DOK5: variants seen among roughly 807,000 people sequenced by gnomAD.
DOK5 encodes downstream of tyrosine kinase 5.
A neutral mutation model predicts 43.3 loss-of-function variants in DOK5; 27 were observed. The ratio of observed to expected loss-of-function variants is 0.62; its 90% CI spans 0.46 to 0.86. The LOEUF is 0.86. Ranked by LOEUF, DOK5 falls within the 40% of genes least tolerant of loss-of-function variation. The pLI, the probability that DOK5 is intolerant of heterozygous loss-of-function variation, is 0.00. For synonymous variants in DOK5, 146 were observed against 140.1 expected (o/e 1.04, Z -0.30); for missense variants, 373 against 392.9 (o/e 0.95, Z 0.43).
At chr20:54,606,551 C>T (rs1473437483) in intron 5 of DOK5, among the ~76,000 whole-genome samples, 1 of 152,198 alleles carries the variant, frequency 6.6e-6, no homozygotes, top group Non-Finnish European at 1.5e-5. Context: ...GACCATTAGC[C>T]TGTTTGATGT....
rs1449094871 is a variant in DOK5 at position 54,475,767 on chromosome 20, G to A, written c.-180G>A. On this transcript the variant is annotated 5_prime_UTR_variant, in exon 1 of 8. Coordinates refer to ENST00000262593, the MANE Select transcript of DOK5 (RefSeq NM_018431.5). This position sits in a 1 kb window ranked among gnomAD's most constrained non-coding sequence, Gnocchi z 4.2. ...GCTGCAAGCCGGCCGCCCACTGTCA[G>A]GGTTGGGGGGACAGAGAAAGTGATG... 2.6e-6 allele frequency: 2 copies of A among 760,804 alleles called. No individual in the cohort carries two copies. Among genetic ancestry groups the A allele is most frequent in the East Asian group, 5.5e-5 (2 of 36,416 alleles). 47.1% of individuals were successfully genotyped at this position (760,804 alleles called of 1,614,324 possible). A position where few individuals can be genotyped will look rare whatever the true frequency, so the allele number is the denominator to read the frequency against.
At chr20:54,629,356 A>C (rs955487660) in intron 6 of DOK5, among the ~76,000 whole-genome samples, 1 of 152,232 alleles carries the variant, frequency 6.6e-6, no homozygotes, top group East Asian at 1.9e-4. Context: ...ATTAATTTCA[A>C]AATAAAGCAC....
At chr20:54,501,639 C>T (rs920829450) in intron 1 of DOK5, among the ~76,000 whole-genome samples, 4 of 152,014 alleles carry the variant, frequency 2.6e-5, no homozygotes, top group African/African-American at 9.7e-5. Flanking sequence ...TATGTAGAGT[C>T]CAATGTGTAT....
rs547082511 is a variant in DOK5 at position 54,595,272 on chromosome 20, G to A, written c.599+3467G>A. On this transcript the variant is annotated intron_variant, in intron 5 of 7. Coordinates refer to ENST00000262593, the MANE Select transcript of DOK5 (RefSeq NM_018431.5). ...AGGAGAATGCGTGAACCCGGGAGGCGGAGCTTGCAGTGAGCTGAGATCCTG... is the reference window on the plus strand; with the variant it reads ...AGGAGAATGCGTGAACCCGGGAGGCAGAGCTTGCAGTGAGCTGAGATCCTG... Among the ~76,000 whole-genome samples the A allele has an allele frequency of 3.1e-4, 47 of 152,170 alleles. 1 individual carries two copies. Among genetic ancestry groups the A allele is most frequent in the African/African-American group, 1.0e-3 (42 of 41,534 alleles).
In DOK5 at chr20:54,518,081, T is replaced by G. The variant is rs796667241; in HGVS notation, c.67-36852T>G. Among the ~76,000 whole-genome samples, 41 of 152,310 alleles carry G rather than the reference T, an allele frequency of 2.7e-4. 1 individual carries two copies. Among genetic ancestry groups the G allele is most frequent in the African/African-American group, 9.9e-4 (41 of 41,580 alleles). On this transcript the variant is annotated intron_variant, in intron 1 of 7. Transcript: ENST00000262593. The stretch of plus-strand genomic sequence containing the variant: ...CTACATGCATCACCTCATAGCATTC[T>G]CAGTTGCCCCCTCTGGTAGCTACTA...
Position 54,555,158 on chromosome 20 carries a change from A to G in DOK5, c.174+118A>G, listed in dbSNP as rs1984667596. 4 of 665,594 alleles carry G rather than the reference A, an allele frequency of 6.0e-6. No homozygotes were observed. The African/African-American group carries it at 7.2e-5, about 12-fold the overall frequency. The allele number at this position is 665,594 out of a possible 1,614,324, so 41.2% of individuals were successfully genotyped here. On this transcript the variant is annotated intron_variant, in intron 2 of 7. Coordinates refer to ENST00000262593, the MANE Select transcript of DOK5 (RefSeq NM_018431.5). ...GGTACAAGCAATATCTTTTCCAAGG[A>G]CAAAACACCCCTAAAATAACATCTG...
At chr20:54,517,710 C>A (rs531993798) in intron 1 of DOK5, among the ~76,000 whole-genome samples, 1 of 152,194 alleles carries the variant, frequency 6.6e-6, no homozygotes, top group South Asian at 2.1e-4. Context: ...AAATCCTAAC[C>A]CCCAAGGATT....
At chr20:54,508,149 C>T (rs1982881928) in intron 1 of DOK5, among the ~76,000 whole-genome samples, 1 of 151,924 alleles carries the variant, frequency 6.6e-6, no homozygotes, top group African/African-American at 2.4e-5. Flanking sequence ...GTGTTTTAGA[C>T]CCATAGACTT....
At chr20:54,630,413 G>A (rs1211274648) in intron 6 of DOK5, among the ~76,000 whole-genome samples, 3 of 152,188 alleles carry the variant, frequency 2.0e-5, no homozygotes, top group Non-Finnish European at 4.4e-5. Flanking sequence ...AGGTTGAGGG[G>A]AGAGGAGTAT....
intron 1 of DOK5, among the ~76,000 whole-genome samples, chr20:54,480,199 A>G (rs1229218019): frequency 1.3e-5 from 2 of 152,228 alleles, no homozygotes; most frequent in Non-Finnish European, 2.9e-5. Flanking sequence ...GGAGCTGGGT[A>G]AAACAAGACT....
chr20:54,573,363 T>G (rs1985352287), intron 2 of DOK5, among the ~76,000 whole-genome samples: 1 of 152,142 alleles, frequency 6.6e-6, no homozygotes, highest in Non-Finnish European at 1.5e-5. Flanking sequence ...TCAGTTGGGC[T>G]TTAAAGATAA....
rs570176081 is a variant in DOK5, at chr20:54,563,857, G to A, written c.174+8817G>A. Among the ~76,000 whole-genome samples, 12 of 151,872 alleles carry A rather than the reference G, an allele frequency of 7.9e-5. No homozygotes were observed. In the East Asian group the frequency reaches 1.4e-3, roughly 17 times the overall value. On this transcript the variant is annotated intron_variant, in intron 2 of 7. Transcript: ENST00000262593. ...GAAAGTATAAATTGAATATCTCTCC[G>A]GGTGATTGGCCTGAAAGCTGCCTTT...
intron 2 of DOK5, among the ~76,000 whole-genome samples, chr20:54,568,077 C>A (rs187444995): frequency 1.3e-5 from 2 of 152,240 alleles, no homozygotes; most frequent in East Asian, 3.9e-4. Context: ...ATTGTCTTTG[C>A]ATTTTGGGAA....
chr20:54,636,229 A>G (rs1454821053), intron 6 of DOK5, among the ~76,000 whole-genome samples: 2 of 152,230 alleles, frequency 1.3e-5, no homozygotes, highest in African/African-American at 4.8e-5. Context: ...TAACTTTAAG[A>G]GAAATTTAGT....
At chr20:54,543,330 G>T in intron 1 of DOK5, among the ~76,000 whole-genome samples, 1 of 151,248 alleles carries the variant, frequency 6.6e-6, no homozygotes, top group African/African-American at 2.4e-5. Context: ...GACAGTGGGG[G>T]GTGGGGTGGG....
chr20:54,560,545 G>T (rs867832492), intron 2 of DOK5, among the ~76,000 whole-genome samples: 17 of 152,314 alleles, frequency 1.1e-4, no homozygotes, highest in Admixed American at 3.3e-4. Context: ...AAGGAAGTAT[G>T]AGTCAGTACC....
intron 2 of DOK5, among the ~76,000 whole-genome samples, chr20:54,562,243 C>T (rs758764281): frequency 6.6e-6 from 1 of 152,080 alleles, no homozygotes; most frequent in Non-Finnish European, 1.5e-5. Context: ...TGATTCTTGG[C>T]CTACTTATAC....
intron 1 of DOK5, among the ~76,000 whole-genome samples, chr20:54,521,822 A>T (rs1568765635): frequency 6.6e-6 from 1 of 152,066 alleles, no homozygotes; most frequent in Non-Finnish European, 1.5e-5. Flanking sequence ...ATTATCATAA[A>T]CTCAAGACTG....
intron 1 of DOK5, among the ~76,000 whole-genome samples, chr20:54,513,750 T>C (rs1461140935): frequency 6.6e-6 from 1 of 152,356 alleles, no homozygotes; most frequent in African/African-American, 2.4e-5. Flanking sequence ...CTTTGTCTTC[T>C]GCAGAATAGG....
Sources: gnomAD v4.1 joint callset for allele counts (sites outside exome capture counted in the v4.1 genomes callset) on GRCh38, gnomAD v4.1.1 for gene constraint, Gnocchi (gnomAD v3.1) non-coding constraint, MANE v1.5 for transcripts, NCBI Gene and HGNC (gene_info 2026-07-23, HGNC 2026-07-21) for gene names.